Variants in PES1 observed in about 807,000 individuals in gnomAD.
The protein encoded by PES1 is pescadillo homolog.
PES1 carries 31 observed loss-of-function variants against 77.1 expected under a neutral mutation model. That is an observed-to-expected ratio of 0.40 (90% confidence interval 0.30 to 0.54). The LOEUF is 0.54. PES1 is among the 20% of genes least tolerant of loss of function. The probability of loss-of-function intolerance (pLI) is 0.45; values close to 1 mark genes in which losing one functional copy is unlikely to be tolerated. For missense variants in PES1, 658 were observed against 771.7 expected, an observed-to-expected ratio of 0.85 and a Z score of 1.75; for synonymous variants, 282 against 303.0, an observed-to-expected ratio of 0.93 and a Z score of 0.72.
intron 2 of PES1, among the ~76,000 whole-genome samples, chr22:30,597,997 C>T (rs967787500): frequency 8.6e-5 from 13 of 151,218 alleles, no homozygotes; most frequent in African/African-American, 2.2e-4. Context: ...CATTCTCCTG[C>T]CTCAGCCTCC....
At chr22:30,580,303 T>C (rs1243438081) in intron 10 of PES1, 125 bp from the exon 11 acceptor site, 3 of 1,240,914 alleles carry the variant, frequency 2.4e-6, no homozygotes, top group Non-Finnish European at 3.3e-6. Context: ...AATTACCCCC[T>C]CCTCACCCCA....
At chr22:30,604,043 T>C (rs1334555282) in intron 2 of PES1, 1 of 152,328 alleles carries the variant, frequency 6.6e-6, no homozygotes, top group East Asian at 1.9e-4. Flanking sequence ...GGGCTGTGTA[T>C]GAAGGGTCCG....
chr22:30,603,694 T>G (rs1052340029), intron 2 of PES1: 1 of 152,244 alleles, frequency 6.6e-6, no homozygotes, highest in Non-Finnish European at 1.5e-5. Flanking sequence ...AAAATATGAT[T>G]TTAATATATA....
At chr22:30,594,870 T>C (rs2087232888), upstream of PES1, among the ~76,000 whole-genome samples, 1 of 152,152 alleles carries the variant, frequency 6.6e-6, no homozygotes, top group East Asian at 1.9e-4. Context: ...CAGCTACTCG[T>C]GGTCCCAGCT....
chr22:30,592,178 G>A (rs1301778840), upstream of PES1: 33 of 1,095,978 alleles, frequency 3.0e-5, no homozygotes, highest in Non-Finnish European at 3.7e-5. Context: ...TGTTGGGACG[G>A]AGAGGGGCGG....
chr22:30,589,951 C>T (rs2087153134), intron 1 of PES1, among the ~76,000 whole-genome samples: 2 of 152,194 alleles, frequency 1.3e-5, no homozygotes, highest in Non-Finnish European at 2.9e-5. Flanking sequence ...GGAGCCACAA[C>T]CATTGTAATA....
chr22:30,583,814 C>T (rs2087022797), intron 6 of PES1, among the ~76,000 whole-genome samples: 2 of 152,244 alleles, frequency 1.3e-5, no homozygotes, highest in Non-Finnish European at 2.9e-5. Context: ...ATGCTAAGTG[C>T]TTCTCCTGTG....
chr22:30,582,573 C>G (rs762655655), intron 6 of PES1, among the ~76,000 whole-genome samples: 1 of 152,162 alleles, frequency 6.6e-6, no homozygotes, highest in Non-Finnish European at 1.5e-5. Context: ...CCATGGAGGC[C>G]GAGCCAGCCC....
rs1204901979 is a variant in PES1, at chr22:30,584,700, T to A, written c.386A>T (p.Asp129Val). The change falls in exon 5 of 15, where the codon GAT becomes GTT. Residue 129 changes from aspartate to valine, a missense_variant. Asp to Val is a radical substitution (Grantham distance 152). Transcript: ENST00000354694. ...IIKERYPTFIDALRDLDDALS... is the reference protein window; with the variant it reads ...IIKERYPTFIVALRDLDDALS... Reference sequence around the variant, plus strand: ...GGCATCGTCCAGGTCCCGCAGGGCATCGATGAACGTGGGATACCTGCATGG... The same window carrying A: ...GGCATCGTCCAGGTCCCGCAGGGCAACGATGAACGTGGGATACCTGCATGG... 6.2e-7 allele frequency: 1 copy of A among 1,613,618 alleles called. No individual in the cohort carries two copies. Among genetic ancestry groups the A allele is most frequent in the Non-Finnish European group, 8.5e-7 (1 of 1,180,018 alleles).
intron 2 of PES1, among the ~76,000 whole-genome samples, chr22:30,597,863 TCCACGCAGTTGAAGTTTTG>T (rs2087281443): frequency 6.8e-6 from 1 of 147,572 alleles, no homozygotes; most frequent in Non-Finnish European, 1.5e-5. Context: ...CGGTTTTTTT[TCCACGCAGTTGAAGTTTTG>T]TTTTTTTTTT....
chr22:30,600,383 CATAG>C (rs1001782283), intron 2 of PES1, among the ~76,000 whole-genome samples: 2 of 152,142 alleles, frequency 1.3e-5, no homozygotes, highest in African/African-American at 2.4e-5. Flanking sequence ...TCTTATATAA[CATAG>C]ATAAAGAACT....
upstream of PES1, among the ~76,000 whole-genome samples, chr22:30,596,870 C>T (rs532057032): frequency 6.6e-6 from 1 of 152,320 alleles, no homozygotes; most frequent in South Asian, 2.1e-4. Context: ...GGGAGAGGCA[C>T]GGGCAGGAAC....
Position 30,576,989 on chromosome 22 carries a change from C to T in PES1, c.*57G>A. 6.9e-7 allele frequency: 1 copy of T among 1,443,194 alleles called. No homozygotes were observed. The highest frequency in any genetic ancestry group is 9.8e-7 in the Non-Finnish European group (1 of 1,025,412). The allele number at this position is 1,443,194 out of a possible 1,614,324, so 89.4% of individuals were successfully genotyped here. A position where few individuals can be genotyped will look rare whatever the true frequency, so the allele number is the denominator to read the frequency against. On this transcript the variant is annotated 3_prime_UTR_variant, in exon 15 of 15. Transcript: ENST00000354694. ...ATCACACTTAGGTCCTCTGGCCTGC[C>T]TCTGCCACATCCAGCTGCTAGGGGC...
In PES1 at chr22:30,576,948, GAA is replaced by G. The variant is rs767403855; in HGVS notation, c.*96_*97del. ...GGGCTGGCTGGAGAAAGGAGGAGGA[GAA>G]GTGACTCTGGTCCATCACACTTAGG... On this transcript the variant is annotated 3_prime_UTR_variant, in exon 15 of 15. Transcript: ENST00000354694. 3.7e-5 allele frequency: 36 copies of G among 983,682 alleles called. No individual in the cohort carries two copies. Among genetic ancestry groups the G allele is most frequent in the Middle Eastern group, 3.0e-4 (1 of 3,282 alleles). The allele number at this position is 983,682 out of a possible 1,614,324, so 60.9% of individuals were successfully genotyped here. A position where few individuals can be genotyped will look rare whatever the true frequency, so the allele number is the denominator to read the frequency against.
In PES1 at chr22:30,578,940, T is replaced by C. The variant is rs776474606; in HGVS notation, c.1580A>G (p.Glu527Gly). ...KLEDKQRLAQ[E>G]EESEAKRLAI... is the part of the protein sequence containing the mutation. ...CAGGCGCTTGGCCTCACTCTCCTCC[T>C]CCTGGGCCAGCCGCTGCTTATCCTC... The change falls in exon 14 of 15, where the codon GAG becomes GGG. Residue 527 changes from glutamate to glycine, a missense_variant. Coordinates refer to ENST00000354694, the MANE Select transcript of PES1 (RefSeq NM_014303.4). 1.9e-6 allele frequency: 3 copies of C among 1,613,382 alleles called. No homozygotes were observed. The highest frequency in any genetic ancestry group is 2.5e-6 in the Non-Finnish European group (3 of 1,180,018).
chr22:30,597,891 T>TG (rs1323532682), intron 2 of PES1, among the ~76,000 whole-genome samples: 4 of 144,020 alleles, frequency 2.8e-5, no homozygotes, highest in Non-Finnish European at 6.1e-5. Context: ...TGTTTTTTTT[T>TG]TTTTTGTTTT....
chr22:30,579,056 T>C, intron 13 of PES1, 58 bp from the exon 14 acceptor site: 1 of 1,603,598 alleles, frequency 6.2e-7, no homozygotes, highest in African/African-American at 1.3e-5. Context: ...CACAGTCCTC[T>C]GGCTCCTGAC....
intron 6 of PES1, among the ~76,000 whole-genome samples, chr22:30,583,417 G>A (rs577301401): frequency 6.6e-6 from 1 of 152,358 alleles, no homozygotes; most frequent in East Asian, 1.9e-4. Context: ...CTGGGCAGCA[G>A]AGCCACTGTG....
At chr22:30,596,486 C>T (rs1204779177), upstream of PES1, among the ~76,000 whole-genome samples, 1 of 148,598 alleles carries the variant, frequency 6.7e-6, no homozygotes, top group Non-Finnish European at 1.5e-5. Context: ...TGCCTGGCCC[C>T]ATTTAAAACT....
Sources: allele counts gnomAD v4.1 joint callset (sites outside exome capture counted in the v4.1 genomes callset), GRCh38; gene constraint gnomAD v4.1.1; transcripts MANE v1.5; gene names NCBI Gene and HGNC (gene_info 2026-07-23, HGNC 2026-07-21).